Variants in CGRRF1 observed in about 807,000 individuals in gnomAD.
CGRRF1 encodes the protein cell growth regulator with ring finger domain 1.
In CGRRF1, 32 loss-of-function variants were observed where a neutral mutation model predicts 37.2. That is an observed-to-expected ratio of 0.86 (90% confidence interval 0.65 to 1.16). CGRRF1 has a LOEUF of 1.16. Among genes scored for constraint, CGRRF1 ranks in the 50% most tolerant of loss-of-function variants. The probability of loss-of-function intolerance (pLI) is 0.00; values close to 1 mark genes in which losing one functional copy is unlikely to be tolerated. For missense variants in CGRRF1, 391 were observed against 382.6 expected, an observed-to-expected ratio of 1.02 and a Z score of -0.18; for synonymous variants, 141 against 140.3, an observed-to-expected ratio of 1.00 and a Z score of -0.04.
At chr14:54,523,366 T>C (rs1362150191) in intron 2 of CGRRF1, 2 of 154,116 alleles carry the variant, frequency 1.3e-5, no homozygotes, top group African/African-American at 4.8e-5. Flanking sequence ...ATGGCAGTTG[T>C]TTGCTTTTGT....
chr14:54,512,822 G>T lies in CGRRF1; in HGVS notation c.104+2759G>T, dbSNP rs1023189552. 1.5e-4 allele frequency among the ~76,000 whole-genome samples: 23 copies of T among 152,150 alleles called. 1 individual carries two copies. The highest frequency in any genetic ancestry group is 1.3e-4 in the Non-Finnish European group (9 of 68,034). On this transcript the variant is annotated intron_variant, in intron 1 of 5. Transcript: ENST00000216420. ...TAAAGATACCAGTATCCTTTCCTCA[G>T]ATCTGAGTCCTGAGCTCCATAGAGT...
intron 1 of CGRRF1, among the ~76,000 whole-genome samples, chr14:54,521,586 C>A (rs2032318073): frequency 6.6e-6 from 1 of 151,544 alleles, no homozygotes; most frequent in African/African-American, 2.4e-5. Context: ...CTCACTGCAA[C>A]CTCTGCCTTC....
chr14:54,524,136 C>T (rs528988176), intron 2 of CGRRF1, among the ~76,000 whole-genome samples: 49 of 152,266 alleles, frequency 3.2e-4, no homozygotes, highest in African/African-American at 1.2e-3. Flanking sequence ...CTGCCCTGCA[C>T]TTTTGACCCC....
intron 1 of CGRRF1, among the ~76,000 whole-genome samples, chr14:54,518,038 G>C (rs573853477): frequency 6.6e-6 from 1 of 152,210 alleles, no homozygotes; most frequent in East Asian, 1.9e-4. Context: ...TGGGCATTTG[G>C]GTTGATTCCA....
At chr14:54,511,464 A>G (rs940642277) in intron 1 of CGRRF1, among the ~76,000 whole-genome samples, 16 of 152,262 alleles carry the variant, frequency 1.1e-4, no homozygotes, top group African/African-American at 3.9e-4. Flanking sequence ...AGCAGTCTTA[A>G]CACAAGATTT....
chr14:54,535,596 C>CT (rs2032588393), intron 4 of CGRRF1, among the ~76,000 whole-genome samples: 1 of 152,072 alleles, frequency 6.6e-6, no homozygotes, highest in Non-Finnish European at 1.5e-5. Flanking sequence ...TTTCTCCACT[C>CT]TTCTGTTTTT....
chr14:54,525,074 C>T (rs1022291951), intron 2 of CGRRF1, among the ~76,000 whole-genome samples: 9 of 152,082 alleles, frequency 5.9e-5, no homozygotes, highest in Non-Finnish European at 8.8e-5. Flanking sequence ...ATCAAGTGTA[C>T]AGCATAGTGG....
At chr14:54,519,367 A>G (rs2032275602) in intron 1 of CGRRF1, among the ~76,000 whole-genome samples, 1 of 150,330 alleles carries the variant, frequency 6.7e-6, no homozygotes, top group African/African-American at 2.5e-5. Flanking sequence ...CCTCTTAAGT[A>G]GCTGGGACCA....
At chr14:54,513,256 G>A (rs2140053019) in intron 1 of CGRRF1, among the ~76,000 whole-genome samples, 1 of 152,272 alleles carries the variant, frequency 6.6e-6, no homozygotes, top group Non-Finnish European at 1.5e-5. Context: ...AACATGTAGT[G>A]GCATCACAAT....
At chr14:54,512,581 A>G (rs991635438) in intron 1 of CGRRF1, among the ~76,000 whole-genome samples, 5 of 152,158 alleles carry the variant, frequency 3.3e-5, no homozygotes, top group African/African-American at 1.2e-4. Context: ...TCTAAACTAC[A>G]TTTCTTCTTT....
intron 1 of CGRRF1, among the ~76,000 whole-genome samples, chr14:54,521,299 A>G (rs1433608377): frequency 1.3e-5 from 2 of 151,840 alleles, no homozygotes; most frequent in Admixed American, 1.3e-4. Flanking sequence ...CGTCTCTACT[A>G]AAAATACAAA....
At position 54,530,976 on chromosome 14, in the gene CGRRF1, G is replaced by A. The variant is rs561672138; in HGVS notation, c.496G>A (p.Val166Ile). 4 of 1,609,846 alleles carry A rather than the reference G, an allele frequency of 2.5e-6. No individual in the cohort carries two copies. In the Admixed American group the frequency reaches 6.7e-5, roughly 27 times the overall value. ...RDTKIEDFGT[V>I]PRSRYPLVAL... ...TACTAAAATTGAAGACTTTGGTACA[G>A]TACCCAGATCTCGCTATCCATTGGT... is the stretch of plus-strand genomic sequence containing the variant. Residue 166 changes from valine (V) to isoleucine (I), a missense_variant, in exon 4 of 6, where the codon GTA (valine) becomes ATA (isoleucine). Coordinates refer to ENST00000216420, the MANE Select transcript of CGRRF1 (RefSeq NM_006568.3).
intron 2 of CGRRF1, among the ~76,000 whole-genome samples, chr14:54,524,386 T>A (rs1042578242): frequency 7.8e-6 from 1 of 128,386 alleles, no homozygotes; most frequent in Non-Finnish European, 1.6e-5. Flanking sequence ...AAAATATATG[T>A]TTTTTTTTTT....
At chr14:54,517,971 T>A (rs1371465462) in intron 1 of CGRRF1, among the ~76,000 whole-genome samples, 1 of 152,254 alleles carries the variant, frequency 6.6e-6, no homozygotes, top group Admixed American at 6.5e-5. Context: ...TTTTTATGGC[T>A]GCATAGTATT....
chr14:54,523,677 C>T (rs1242270240), intron 2 of CGRRF1, among the ~76,000 whole-genome samples: 2 of 152,082 alleles, frequency 1.3e-5, no homozygotes, highest in East Asian at 3.9e-4. Context: ...TAAGAAGACT[C>T]AGGTTCTTCC....
intron 1 of CGRRF1, among the ~76,000 whole-genome samples, chr14:54,521,968 G>T (rs2032324684): frequency 6.6e-6 from 1 of 152,158 alleles, no homozygotes; most frequent in African/African-American, 2.4e-5. Context: ...TTTCAAGAAT[G>T]TGTTGATTCA....
At chr14:54,528,349 A>G (rs1449964320) in intron 2 of CGRRF1, among the ~76,000 whole-genome samples, 9 of 151,610 alleles carry the variant, frequency 5.9e-5, no homozygotes, top group Non-Finnish European at 1.0e-4. Context: ...GTAGAGTACT[A>G]TATTTATTCA....
At chr14:54,529,052 AT>A (rs1300650110) in intron 2 of CGRRF1, among the ~76,000 whole-genome samples, 2 of 152,228 alleles carry the variant, frequency 1.3e-5, no homozygotes, top group Non-Finnish European at 2.9e-5. Flanking sequence ...CAATAAAAGG[AT>A]ATTGGGTAGC....
chr14:54,519,885 A>G (rs892957539), intron 1 of CGRRF1, among the ~76,000 whole-genome samples: 2 of 152,212 alleles, frequency 1.3e-5, no homozygotes, highest in African/African-American at 4.8e-5. Flanking sequence ...AGATTCTACA[A>G]TCAGCATTTT....
Sources: gnomAD v4.1 joint callset for allele counts (sites outside exome capture counted in the v4.1 genomes callset) on GRCh38, gnomAD v4.1.1 for gene constraint, MANE v1.5 for transcripts, NCBI Gene and HGNC (gene_info 2026-07-23, HGNC 2026-07-21) for gene names.